The following C16orf74 variants were observed in gnomAD, a reference collection of about 807,000 sequenced individuals.
C16orf74 encodes uncharacterized protein C16orf74.
A neutral mutation model predicts 6.5 loss-of-function variants in C16orf74; 10 were observed. That is an observed-to-expected ratio of 1.54 (90% confidence interval 0.95 to 2.61). The LOEUF (loss-of-function observed/expected upper bound fraction) is 2.61, where lower values mean the gene tolerates loss of function less well. C16orf74 is among the 30% of genes most tolerant of loss of function. The pLI is 0.00. For missense variants in C16orf74, 141 were observed against 105.9 expected, an observed-to-expected ratio of 1.33 and a Z score of -1.45; for synonymous variants, 60 against 42.5, an observed-to-expected ratio of 1.41 and a Z score of -1.60.
intron 2 of C16orf74, among the ~76,000 whole-genome samples, chr16:85,722,101 G>A (rs2054089080): frequency 6.7e-6 from 1 of 148,712 alleles, no homozygotes; most frequent in South Asian, 2.1e-4. Flanking sequence ...GCGCTCAGGT[G>A]ATCTTCCTGC....
intron 2 of C16orf74, among the ~76,000 whole-genome samples, chr16:85,711,883 T>C (rs576401250): frequency 1.3e-5 from 2 of 152,254 alleles, no homozygotes; most frequent in South Asian, 4.1e-4. Flanking sequence ...AAGTGACCAC[T>C]GTAGGGTCAG....
At chr16:85,744,702 C>A (rs936251815) in intron 1 of C16orf74, among the ~76,000 whole-genome samples, 2 of 151,888 alleles carry the variant, frequency 1.3e-5, no homozygotes, top group East Asian at 1.9e-4. Flanking sequence ...TGGTGGCAGG[C>A]GCCTGTAGTC....
At chr16:85,733,865 C>A (rs1278831072) in intron 2 of C16orf74, among the ~76,000 whole-genome samples, 1 of 152,178 alleles carries the variant, frequency 6.6e-6, no homozygotes, top group East Asian at 1.9e-4. Context: ...ACCAGGGGAA[C>A]CAATCTCTCC....
chr16:85,724,981 T>C (rs1210624953), intron 2 of C16orf74, among the ~76,000 whole-genome samples: 1 of 150,582 alleles, frequency 6.6e-6, no homozygotes, highest in Non-Finnish European at 1.5e-5. Flanking sequence ...CGGCTGGAAA[T>C]GGCGCTTCGT....
chr16:85,728,682 G>A (rs1386496541), intron 2 of C16orf74, among the ~76,000 whole-genome samples: 9 of 152,204 alleles, frequency 5.9e-5, no homozygotes, highest in African/African-American at 1.9e-4. Flanking sequence ...AAGGTGTAAC[G>A]GCTCCTTGGG....
At chr16:85,720,381 G>C (rs1202402482) in intron 2 of C16orf74, among the ~76,000 whole-genome samples, 1 of 152,104 alleles carries the variant, frequency 6.6e-6, no homozygotes, top group Admixed American at 6.5e-5. Flanking sequence ...AGCCCTCCCA[G>C]TTCCCGTGGT....
chr16:85,714,827 G>C (rs2054006392), intron 2 of C16orf74, among the ~76,000 whole-genome samples: 1 of 151,910 alleles, frequency 6.6e-6, no homozygotes, highest in Non-Finnish European at 1.5e-5. Context: ...CATCGAAGCA[G>C]GTCTAATACA....
At chr16:85,720,237 A>T (rs1235597399) in intron 2 of C16orf74, among the ~76,000 whole-genome samples, 2 of 152,164 alleles carry the variant, frequency 1.3e-5, no homozygotes, top group African/African-American at 4.8e-5. Flanking sequence ...GCTGCTGGAG[A>T]GAGACAACCT....
In C16orf74 at chr16:85,727,538, G is replaced by A. The variant is rs149798906; in HGVS notation, c.28+7652C>T. ...AATAATAACAGATCTGGCCGGGTGC[G>A]GTGGCTCACGCCTGTAATCCCAGCA... On this transcript the variant is annotated intron_variant, in intron 2 of 3. Coordinates refer to ENST00000284245, the MANE Select transcript of C16orf74 (RefSeq NM_206967.3). Among the ~76,000 whole-genome samples, 1,007 of 152,248 alleles carry A rather than the reference G, an allele frequency of 6.6e-3. 10 individuals carry two copies. The highest frequency in any genetic ancestry group is 0.023 in the African/African-American group (960 of 41,532).
intron 1 of C16orf74, among the ~76,000 whole-genome samples, chr16:85,740,526 C>A (rs1281001852): frequency 6.6e-6 from 1 of 151,880 alleles, no homozygotes; most frequent in African/African-American, 2.4e-5. Flanking sequence ...CACGGTGAAA[C>A]CCCGTCTCTA....
intron 1 of C16orf74, among the ~76,000 whole-genome samples, chr16:85,748,098 AT>A (rs2054393903): frequency 1.5e-5 from 1 of 66,044 alleles, no homozygotes; most frequent in East Asian, 2.4e-4. Context: ...AAAAATATAT[AT>A]ATATATACAT....
intron 2 of C16orf74, among the ~76,000 whole-genome samples, chr16:85,714,627 C>T (rs1407686147): frequency 1.3e-5 from 2 of 151,216 alleles, no homozygotes; most frequent in East Asian, 2.0e-4. Flanking sequence ...ACCATATTGG[C>T]CAGGCTGGTC....
At position 85,707,985 on chromosome 16, in the gene C16orf74, C is replaced by A. The variant is rs1441609465; in HGVS notation, c.*23G>T. 4 of 1,549,908 alleles carry A rather than the reference C, an allele frequency of 2.6e-6. No individual in the cohort carries two copies. The highest frequency in any genetic ancestry group is 4.9e-5 in the East Asian group (2 of 40,924). On this transcript the variant is annotated 3_prime_UTR_variant, in exon 4 of 4. Transcript: ENST00000284245. ...GCCGGGCCGCTGGAGCAGGAGCCAG[C>A]CAGCCAAACCCAGGACACCTCCTCA...
chr16:85,739,533 C>G (rs925428310), intron 1 of C16orf74, among the ~76,000 whole-genome samples: 5 of 152,182 alleles, frequency 3.3e-5, no homozygotes, highest in African/African-American at 9.7e-5. Context: ...CAGCGGGATG[C>G]TGTTTACTGT....
chr16:85,719,887 A>C (rs1178436429), intron 2 of C16orf74, among the ~76,000 whole-genome samples: 1 of 150,926 alleles, frequency 6.6e-6, no homozygotes, highest in African/African-American at 2.4e-5. Context: ...CAGAGGGGCC[A>C]CAGGCCACAG....
intron 2 of C16orf74, among the ~76,000 whole-genome samples, chr16:85,721,020 G>A (rs971227774): frequency 2.0e-5 from 3 of 152,114 alleles, no homozygotes; most frequent in African/African-American, 4.8e-5. Flanking sequence ...GAACCCAGGA[G>A]GCAGAGGTTG....
At chr16:85,737,380 C>T (rs1049809788) in intron 1 of C16orf74, among the ~76,000 whole-genome samples, 14 of 152,292 alleles carry the variant, frequency 9.2e-5, no homozygotes, top group Admixed American at 2.0e-4. Context: ...CTGCAGCCTC[C>T]GCACATCACC....
intron 1 of C16orf74, among the ~76,000 whole-genome samples, chr16:85,736,389 G>A (rs1259558573): frequency 6.6e-6 from 1 of 152,138 alleles, no homozygotes; most frequent in East Asian, 1.9e-4. Flanking sequence ...GGCGCACAAG[G>A]CCCCAGGGAT....
At chr16:85,744,603 G>A (rs1337295677) in intron 1 of C16orf74, among the ~76,000 whole-genome samples, 2 of 152,104 alleles carry the variant, frequency 1.3e-5, no homozygotes, top group African/African-American at 4.8e-5. Flanking sequence ...GGCCAAGGCG[G>A]GCGGATCACG....
Sources: gnomAD v4.1 joint callset for allele counts (sites outside exome capture counted in the v4.1 genomes callset) on GRCh38, gnomAD v4.1.1 for gene constraint, MANE v1.5 for transcripts, NCBI Gene and HGNC (gene_info 2026-07-23, HGNC 2026-07-21) for gene names.